The following OPCML variants were observed in gnomAD, a reference collection of about 807,000 sequenced individuals.
OPCML encodes opioid-binding protein/cell adhesion molecule.
A neutral mutation model predicts 37.8 loss-of-function variants in OPCML; 13 were observed. That is an observed-to-expected ratio of 0.34 (90% CI 0.22 to 0.55). The LOEUF is 0.55. Ranked by LOEUF, OPCML falls within the 20% of genes least tolerant of loss-of-function variation. OPCML has a pLI of 0.91. For missense variants in OPCML, 341 were observed against 435.6 expected (o/e 0.78, Z 1.93); for synonymous variants, 176 against 168.8 (o/e 1.04, Z -0.33).
chr11:132,615,141 G>A (rs1041603871), intron 3 of OPCML, among the ~76,000 whole-genome samples: 20 of 152,152 alleles, frequency 1.3e-4, no homozygotes, highest in African/African-American at 4.6e-4. Flanking sequence ...TTACAACATG[G>A]GATAGAGCAG....
chr11:132,994,795 C>A (rs768528295), intron 1 of OPCML, among the ~76,000 whole-genome samples: 1 of 152,140 alleles, frequency 6.6e-6, no homozygotes, highest in Non-Finnish European at 1.5e-5. Context: ...GTGAACAATG[C>A]GGACATATAA....
intron 1 of OPCML, among the ~76,000 whole-genome samples, chr11:133,329,439 T>C (rs1042160753): frequency 4.6e-5 from 7 of 152,054 alleles, no homozygotes; most frequent in African/African-American, 1.2e-4. Flanking sequence ...AACTATACTA[T>C]GAGGCTACAG....
chr11:132,542,607 C>T (rs566912757), intron 3 of OPCML, among the ~76,000 whole-genome samples: 3 of 152,216 alleles, frequency 2.0e-5, no homozygotes, highest in Non-Finnish European at 4.4e-5. Flanking sequence ...AGACTCCTGC[C>T]CTGCTCTGCA....
chr11:133,247,286 G>A lies in OPCML; in HGVS notation c.61+284978C>T, dbSNP rs866428194. ...GGAAAAGAAACTCTAGGAGAAATAA[G>A]GGTGCTACATTTTTCATGAGAGCAT... On this transcript the variant is annotated intron_variant, in intron 1 of 7. Coordinates refer to ENST00000524381, the MANE Select transcript of OPCML (RefSeq NM_001012393.5). Among the ~76,000 whole-genome samples the A allele has an allele frequency of 3.7e-4, 56 of 152,224 alleles. No homozygotes were observed. The Middle Eastern group carries it at 0.014, about 37-fold the overall frequency.
chr11:133,160,697 A>T (rs527894975), intron 1 of OPCML, among the ~76,000 whole-genome samples: 1 of 152,110 alleles, frequency 6.6e-6, no homozygotes, highest in African/African-American at 2.4e-5. Context: ...ATCTCTGTGG[A>T]CTGAGAGCCT....
At chr11:132,583,187 A>G (rs1460091917) in intron 3 of OPCML, among the ~76,000 whole-genome samples, 2 of 151,944 alleles carry the variant, frequency 1.3e-5, no homozygotes, top group Non-Finnish European at 2.9e-5. Context: ...TCAGCCTCCC[A>G]AGTATCTGGG....
intron 1 of OPCML, among the ~76,000 whole-genome samples, chr11:133,263,348 C>T (rs1346131398): frequency 6.6e-6 from 1 of 152,038 alleles, no homozygotes; most frequent in Non-Finnish European, 1.5e-5. Context: ...GTATTTTTAC[C>T]TTTCCTATGT....
intron 1 of OPCML, among the ~76,000 whole-genome samples, chr11:133,054,591 G>C (rs957453862): frequency 6.6e-6 from 1 of 152,144 alleles, no homozygotes; most frequent in East Asian, 1.9e-4. Flanking sequence ...CATCACAGGG[G>C]CATAGACGAA....
chr11:133,322,245 G>A, intron 1 of OPCML, among the ~76,000 whole-genome samples: 1 of 152,162 alleles, frequency 6.6e-6, no homozygotes, highest in East Asian at 1.9e-4. Flanking sequence ...AGCAGCCACT[G>A]ACTGATGGTA....
intron 2 of OPCML, among the ~76,000 whole-genome samples, chr11:132,699,317 C>G (rs1428118883): frequency 1.3e-5 from 2 of 152,024 alleles, no homozygotes; most frequent in Non-Finnish European, 2.9e-5. Context: ...TTTACTTCTT[C>G]TTTTCCAATT....
At chr11:132,735,548 G>T (rs1328582755) in intron 2 of OPCML, among the ~76,000 whole-genome samples, 1 of 151,992 alleles carries the variant, frequency 6.6e-6, no homozygotes, top group Non-Finnish European at 1.5e-5. Flanking sequence ...GTGCAGTGGT[G>T]CAATCTTGGC....
At chr11:133,455,009 T>C (rs1946647860) in intron 1 of OPCML, among the ~76,000 whole-genome samples, 1 of 152,164 alleles carries the variant, frequency 6.6e-6, no homozygotes, top group Admixed American at 6.5e-5. Flanking sequence ...GATTTTCACC[T>C]TTGGAAGTTT....
At chr11:132,506,923 G>A (rs1043747606) in intron 4 of OPCML, among the ~76,000 whole-genome samples, 2 of 151,784 alleles carry the variant, frequency 1.3e-5, no homozygotes, top group African/African-American at 4.8e-5. Flanking sequence ...AAAGGCTTCA[G>A]TTGGATTAAA....
At chr11:133,213,815 A>T (rs904426221) in intron 1 of OPCML, among the ~76,000 whole-genome samples, 1 of 152,196 alleles carries the variant, frequency 6.6e-6, no homozygotes, top group African/African-American at 2.4e-5. Context: ...GATCTTATAA[A>T]ATAAGTAAAT....
intron 2 of OPCML, among the ~76,000 whole-genome samples, chr11:132,689,016 C>T (rs1227155896): frequency 5.3e-5 from 7 of 132,818 alleles, no homozygotes; most frequent in Admixed American, 2.2e-4. Flanking sequence ...ATTTGAGAAA[C>T]AAATTGTTAG....
chr11:133,440,764 A>T lies in OPCML; in HGVS notation c.61+91500T>A, dbSNP rs780876388. ...AAAAAAACAGAAACCTACAGCAATT[A>T]TATATATATATATATATCTGTGTGT... On this transcript the variant is annotated intron_variant, in intron 1 of 7. Coordinates refer to ENST00000524381, the MANE Select transcript of OPCML (RefSeq NM_001012393.5). Among the ~76,000 whole-genome samples, 708 of 107,124 alleles carry T rather than the reference A, an allele frequency of 6.6e-3. 9 individuals carry two copies. The highest frequency in any genetic ancestry group is 0.017 in the Middle Eastern group (4 of 242). 70.3% of individuals were successfully genotyped at this position (107,124 alleles called of 152,430 possible).
At chr11:133,417,067 GCTGTGTAACCCCCACCCCACAT>G (rs1221143565) in intron 1 of OPCML, among the ~76,000 whole-genome samples, 2 of 152,172 alleles carry the variant, frequency 1.3e-5, no homozygotes, top group Non-Finnish European at 2.9e-5. Flanking sequence ...GAGCAGGGAG[GCTGTGTAACCCCCACCCCACAT>G]CTTGCTCTAT....
intron 1 of OPCML, among the ~76,000 whole-genome samples, chr11:132,979,585 C>T (rs1001158342): frequency 2.6e-5 from 4 of 152,208 alleles, no homozygotes; most frequent in Non-Finnish European, 4.4e-5. Flanking sequence ...CTCCCCAGCC[C>T]GATTTTTCTA....
chr11:132,527,945 C>T (rs1393189114), intron 4 of OPCML, among the ~76,000 whole-genome samples: 3 of 152,068 alleles, frequency 2.0e-5, no homozygotes, highest in Non-Finnish European at 4.4e-5. Flanking sequence ...ATTTACAAGT[C>T]AAGCAATGCC....
Sources: allele counts gnomAD v4.1 joint callset (sites outside exome capture counted in the v4.1 genomes callset), GRCh38; gene constraint gnomAD v4.1.1; transcripts MANE v1.5; gene names NCBI Gene and HGNC (gene_info 2026-07-23, HGNC 2026-07-21).